The following DACH2 variants were observed in gnomAD, a reference collection of about 807,000 sequenced individuals.
DACH2 encodes the protein dachshund family transcription factor 2.
In DACH2, 17 loss-of-function variants were observed where a neutral mutation model predicts 35.8. The ratio of observed to expected loss-of-function variants is 0.48; its 90% confidence interval spans 0.33 to 0.71. The LOEUF (loss-of-function observed/expected upper bound fraction) is 0.71. DACH2 is among the 30% of genes least tolerant of loss of function. DACH2 has a pLI of 0.02. For synonymous variants in DACH2, 195 were observed against 177.3 expected (o/e 1.10, Z -0.79); for missense variants, 469 against 472.7 (o/e 0.99, Z 0.07).
chrX:86,792,389 C>T lies in DACH2; in HGVS notation c.1241-20467C>T, dbSNP rs1011471999. Among the ~76,000 whole-genome samples the T allele has an allele frequency of 2.8e-4, 31 of 111,637 alleles. 2 individuals carry two copies. Among genetic ancestry groups the T allele is most frequent in the Admixed American group, 2.0e-3 (21 of 10,461 alleles). On this transcript the variant is annotated intron_variant, in intron 7 of 11. Transcript: ENST00000373125. ...ATGTGTTGGGAACATTTCAAGTGCT[C>T]TCTTCTAGCTATTTTGCAATATATA...
intron 4 of DACH2, among the ~76,000 whole-genome samples, chrX:86,691,092 A>G (rs756269214): frequency 8.9e-6 from 1 of 111,910 alleles, no homozygotes; most frequent in East Asian, 2.8e-4. Flanking sequence ...TCCCAAGCCA[A>G]CTGCCTACCC....
intron 4 of DACH2, among the ~76,000 whole-genome samples, chrX:86,676,843 C>G (rs2040830656): frequency 9.0e-6 from 1 of 111,319 alleles, no homozygotes; most frequent in African/African-American, 3.3e-5. Flanking sequence ...AAGCATTTAT[C>G]TTGCCACATT....
In DACH2 at chrX:86,254,547, A is replaced by G. The variant is rs369086439; in HGVS notation, c.488+105439A>G. Among the ~76,000 whole-genome samples, 11 of 107,829 alleles carry G rather than the reference A, an allele frequency of 1.0e-4. No individual in the cohort carries two copies. The South Asian group carries it at 4.4e-3, about 43-fold the overall frequency. 93.6% of individuals were successfully genotyped at this position (107,829 alleles called of 115,157 possible). ...AGAATGAAATTTAGCTCTAGCAAGG[A>G]GGCTTTAATTAAAGGATCCTTGCAT... On this transcript the variant is annotated intron_variant, in intron 1 of 11. Coordinates refer to ENST00000373125, the MANE Select transcript of DACH2 (RefSeq NM_053281.3).
chrX:86,713,449 G>A (rs760184883), intron 5 of DACH2, among the ~76,000 whole-genome samples: 25 of 111,322 alleles, frequency 2.2e-4, no homozygotes, highest in Non-Finnish European at 4.5e-4. Flanking sequence ...GAGTAAAAAA[G>A]GACGTTATTA....
At chrX:86,652,984 T>A (rs1383781299) in intron 4 of DACH2, among the ~76,000 whole-genome samples, 7 of 112,500 alleles carry the variant, frequency 6.2e-5, no homozygotes, top group African/African-American at 2.3e-4. Flanking sequence ...GCTTTTGGCA[T>A]CTTCTTCATG....
chrX:86,443,565 A>C (rs1209578835), intron 2 of DACH2, among the ~76,000 whole-genome samples: 6 of 109,601 alleles, frequency 5.5e-5, no homozygotes, highest in African/African-American at 2.0e-4. Context: ...TTGAAAAAGA[A>C]GTGATGAAAG....
chrX:86,260,018 A>G (rs2033596559), intron 1 of DACH2, among the ~76,000 whole-genome samples: 2 of 111,258 alleles, frequency 1.8e-5, no homozygotes, highest in Non-Finnish European at 3.8e-5. Flanking sequence ...TAATGAAACG[A>G]AAACCTCTCA....
intron 1 of DACH2, among the ~76,000 whole-genome samples, chrX:86,226,620 A>G (rs1324761803): frequency 8.9e-6 from 1 of 111,818 alleles, no homozygotes; most frequent in Non-Finnish European, 1.9e-5. Flanking sequence ...TGCAAGAGAA[A>G]AATACTAGCA....
chrX:86,304,685 T>TC, intron 1 of DACH2: 1 of 169,824 alleles, frequency 5.9e-6, no homozygotes, highest in Middle Eastern at 6.6e-4. Flanking sequence ...GATCCAGGCA[T>TC]CCACAAGAGA....
intron 2 of DACH2, among the ~76,000 whole-genome samples, chrX:86,411,192 G>A (rs1181287757): frequency 9.5e-6 from 1 of 105,798 alleles, no homozygotes; most frequent in African/African-American, 3.5e-5. Context: ...GAAGGATGCA[G>A]CACAGCATGG....
intron 2 of DACH2, among the ~76,000 whole-genome samples, chrX:86,437,521 A>G (rs1403764146): frequency 9.0e-6 from 1 of 111,473 alleles, no homozygotes; most frequent in Admixed American, 9.6e-5. Context: ...TTCCCACACT[A>G]TGAGGAAAAA....
At chrX:86,436,463 G>T (rs189466290) in intron 2 of DACH2, among the ~76,000 whole-genome samples, 2 of 110,393 alleles carry the variant, frequency 1.8e-5, no homozygotes, top group East Asian at 5.7e-4. Context: ...TTGAGGTGAT[G>T]GACTGTGTTA....
intron 2 of DACH2, among the ~76,000 whole-genome samples, chrX:86,409,994 A>G (rs930690622): frequency 3.6e-5 from 4 of 111,993 alleles, no homozygotes; most frequent in African/African-American, 1.3e-4. Flanking sequence ...AAAATAAACA[A>G]TGCTGATGGG....
At chrX:86,373,186 C>T (rs1361234543) in intron 1 of DACH2, among the ~76,000 whole-genome samples, 1 of 110,635 alleles carries the variant, frequency 9.0e-6, no homozygotes, top group African/African-American at 3.3e-5. Context: ...TTGGTATGTG[C>T]CCAGTAATGA....
intron 3 of DACH2, among the ~76,000 whole-genome samples, chrX:86,523,305 A>G (rs1253744969): frequency 9.0e-6 from 1 of 111,010 alleles, no homozygotes; most frequent in Non-Finnish European, 1.9e-5. Context: ...ACTTCATTGC[A>G]TCATTGGTAT....
chrX:86,241,204 C>T (rs182773200), intron 1 of DACH2, among the ~76,000 whole-genome samples: 100 of 111,705 alleles, frequency 9.0e-4, no homozygotes, highest in Non-Finnish European at 1.1e-3. Flanking sequence ...TTCCTAGAGA[C>T]TTGTTGTATG....
chrX:86,302,952 C>T (rs1475395153), intron 1 of DACH2, among the ~76,000 whole-genome samples: 1 of 107,938 alleles, frequency 9.3e-6, no homozygotes, highest in Non-Finnish European at 1.9e-5. Flanking sequence ...GATAGCAATG[C>T]TAACACAAAC....
At chrX:86,241,794 T>C (rs1447799521) in intron 1 of DACH2, among the ~76,000 whole-genome samples, 1 of 112,231 alleles carries the variant, frequency 8.9e-6, no homozygotes, top group Non-Finnish European at 1.9e-5. Context: ...TGGAACATGA[T>C]GCCCTGCACT....
chrX:86,596,749 T>C (rs2039717785), intron 3 of DACH2, among the ~76,000 whole-genome samples: 1 of 111,506 alleles, frequency 9.0e-6, no homozygotes, highest in Non-Finnish European at 1.9e-5. Context: ...CTATTTTTCC[T>C]TTTGTTGCTT....
Sources: allele counts gnomAD v4.1 joint callset (sites outside exome capture counted in the v4.1 genomes callset), GRCh38; gene constraint gnomAD v4.1.1; transcripts MANE v1.5; gene names NCBI Gene and HGNC (gene_info 2026-07-23, HGNC 2026-07-21).